Variants in SPARCL1 observed in about 807,000 individuals in gnomAD.
SPARCL1 encodes the protein SPARC-like protein 1.
SPARCL1 carries 52 observed loss-of-function variants against 67.1 expected under a neutral mutation model. That is an observed-to-expected ratio of 0.78 (90% CI 0.62 to 0.98). The LOEUF (loss-of-function observed/expected upper bound fraction) is 0.98, where lower values mean the gene tolerates loss of function less well. SPARCL1 is among the 50% of genes least tolerant of loss of function. The probability of loss-of-function intolerance (pLI) is 0.00; values close to 1 mark genes in which losing one functional copy is unlikely to be tolerated. For missense variants in SPARCL1, 717 were observed against 782.4 expected (o/e 0.92, Z 1.00); for synonymous variants, 226 against 267.8 (o/e 0.84, Z 1.52).
chr4:87,526,560 G>T (rs1726053094), intron 1 of SPARCL1, among the ~76,000 whole-genome samples: 1 of 152,176 alleles, frequency 6.6e-6, no homozygotes, highest in Non-Finnish European at 1.5e-5. Context: ...ACTGAGTCAT[G>T]CAGGTGGGAA....
At chr4:87,482,689 T>C (rs1409474954) in intron 7 of SPARCL1, 129 bp from the exon 8 acceptor site, 1 of 931,554 alleles carries the variant, frequency 1.1e-6, no homozygotes, top group East Asian at 2.5e-5. Flanking sequence ...ATTATGACAG[T>C]GGTCCTCAGC....
At chr4:87,508,379 C>CTGTAGAGACAGGATCTTCCT (rs1363844488) in intron 1 of SPARCL1, among the ~76,000 whole-genome samples, 1 of 143,386 alleles carries the variant, frequency 7.0e-6, no homozygotes, top group East Asian at 2.1e-4. Flanking sequence ...TTTTTTTTTT[C>CTGTAGAGACAGGATCTTCCT]TGTAGAGACA....
chr4:87,511,967 C>CTCTTTTTTTTTTTT (rs71667858), intron 1 of SPARCL1, among the ~76,000 whole-genome samples: 4 of 121,564 alleles, frequency 3.3e-5, no homozygotes, highest in African/African-American at 1.3e-4. Context: ...CTTTCTTTCT[C>CTCTTTTTTTTTTTT]TTTTTTTTTT....
Position 87,478,690 on chromosome 4 carries a change from G to A in SPARCL1, c.1966+740C>T, listed in dbSNP as rs575775293. On this transcript the variant is annotated intron_variant, in intron 10 of 10. Transcript: ENST00000282470. ...TGACCTCACGTGATCCACCCACCTC[G>A]GCTTCCCAAAGTGCTGGGATTACAG... is the stretch of plus-strand genomic sequence containing the variant. 4.6e-5 allele frequency among the ~76,000 whole-genome samples: 7 copies of A among 152,064 alleles called. No individual in the cohort carries two copies. In the South Asian group the frequency reaches 1.0e-3, roughly 23 times the overall value.
rs906329323 is a variant in SPARCL1 at position 87,473,680 on chromosome 4, T to A, written c.*95A>T. 5 of 875,722 alleles carry A rather than the reference T, an allele frequency of 5.7e-6. No individual in the cohort carries two copies. Among genetic ancestry groups the A allele is most frequent in the Non-Finnish European group, 3.5e-6 (2 of 563,458 alleles). The allele number at this position is 875,722 out of a possible 1,614,324, so 54.2% of individuals were successfully genotyped here. On this transcript the variant is annotated 3_prime_UTR_variant, in exon 11 of 11. Transcript: ENST00000282470. The stretch of plus-strand genomic sequence containing the variant: ...CTTGTCATACATGCTAACATTTTGC[T>A]AAATATAAATCTACAAGTATCACAG...
chr4:87,524,997 T>A (rs527707405), intron 1 of SPARCL1, among the ~76,000 whole-genome samples: 56 of 152,012 alleles, frequency 3.7e-4, no homozygotes, highest in Admixed American at 3.7e-3. Flanking sequence ...ACCCCATCTC[T>A]ACTAAAACAA....
Position 87,493,889 on chromosome 4 carries a change from G to A in SPARCL1, c.911C>T (p.Ala304Val), listed in dbSNP as rs1724479928. ...QSQEGKTGLEAISNHKETEEK... is the reference protein window; with the variant it reads ...QSQEGKTGLEVISNHKETEEK... ...TTCTGTCTCTTTGTGGTTGCTGATA[G>A]CTTCTAGGCCAGTTTTACCCTCTTG... The change falls in exon 4 of 11, where the codon GCT becomes GTT. Residue 304 changes from alanine (A) to valine (V), a missense_variant. Ala to Val is a moderately conservative substitution (Grantham distance 64). Transcript: ENST00000282470. The A allele has an allele frequency of 6.2e-7, 1 of 1,614,170 alleles. No homozygotes were observed. The highest frequency in any genetic ancestry group is 8.5e-7 in the Non-Finnish European group (1 of 1,180,038).
At chr4:87,508,124 A>C (rs1725181138) in intron 1 of SPARCL1, among the ~76,000 whole-genome samples, 1 of 152,170 alleles carries the variant, frequency 6.6e-6, no homozygotes, top group Admixed American at 6.5e-5. Context: ...AACCACATAG[A>C]AATGTGTTTA....
chr4:87,514,731 C>A (rs1725512964), intron 1 of SPARCL1, among the ~76,000 whole-genome samples: 1 of 152,124 alleles, frequency 6.6e-6, no homozygotes, highest in East Asian at 1.9e-4. Flanking sequence ...AATTTCATGG[C>A]CTTTAGCTTC....
In SPARCL1 at chr4:87,526,775, G is replaced by A. The variant is rs145453261; in HGVS notation, c.-12+2270C>T. On this transcript the variant is annotated intron_variant, in intron 1 of 10. Coordinates refer to ENST00000282470, the MANE Select transcript of SPARCL1 (RefSeq NM_004684.6). The stretch of plus-strand genomic sequence containing the variant: ...TATCTAGAGTCAGTTCCCGTTCTAC[G>A]GAGTTTCAATAGGGACATATAGTTA... 2.6e-5 allele frequency among the ~76,000 whole-genome samples: 4 copies of A among 152,282 alleles called. No individual in the cohort carries two copies. In the East Asian group the frequency reaches 7.7e-4, roughly 29 times the overall value.
chr4:87,501,331 A>G (rs1724840523), intron 1 of SPARCL1, among the ~76,000 whole-genome samples: 1 of 151,982 alleles, frequency 6.6e-6, no homozygotes. Flanking sequence ...TAAGTCCCAT[A>G]TATTTTTCTT....
At chr4:87,522,457 G>C (rs776232221) in intron 1 of SPARCL1, among the ~76,000 whole-genome samples, 9 of 151,742 alleles carry the variant, frequency 5.9e-5, no homozygotes, top group Non-Finnish European at 1.2e-4. Context: ...TACATTTAGT[G>C]CTCAGGGAAG....
chr4:87,516,825 T>C (rs1725601112), intron 1 of SPARCL1, among the ~76,000 whole-genome samples: 1 of 152,228 alleles, frequency 6.6e-6, no homozygotes, highest in Non-Finnish European at 1.5e-5. Flanking sequence ...AGGCTTATCT[T>C]ACCCAAGCTT....
chr4:87,501,243 T>TCCTGGGGTCCATA (rs1320765479), intron 1 of SPARCL1, among the ~76,000 whole-genome samples: 6 of 152,162 alleles, frequency 3.9e-5, no homozygotes, highest in African/African-American at 1.2e-4. Context: ...GCAGCTTTTC[T>TCCTGGGGTCCATA]CCTGGGGTCC....
intron 2 of SPARCL1, among the ~76,000 whole-genome samples, chr4:87,495,548 C>T (rs879349744): frequency 4.6e-5 from 7 of 152,020 alleles, no homozygotes; most frequent in Non-Finnish European, 7.4e-5. Context: ...AAGTACCCAC[C>T]GATAATTAGC....
At chr4:87,500,486 A>T (rs999439740) in intron 1 of SPARCL1, among the ~76,000 whole-genome samples, 1 of 152,108 alleles carries the variant, frequency 6.6e-6, no homozygotes, top group Non-Finnish European at 1.5e-5. Flanking sequence ...TTTGCAGGAT[A>T]TCCCTAAGTC....
rs1252403448 is a variant in SPARCL1 at position 87,491,631 on chromosome 4, C to A, written c.1278G>T (p.Arg426Ser). The A allele has an allele frequency of 1.9e-6, 3 of 1,613,208 alleles. No homozygotes were observed. The highest frequency in any genetic ancestry group is 1.7e-5 in the Admixed American group (1 of 59,992). Residue 426 changes from arginine (R) to serine (S), a missense_variant, in exon 5 of 11, where the codon AGG becomes AGT. Arg to Ser is a moderately radical substitution (Grantham distance 110). Transcript: ENST00000282470. Reference sequence around the variant, plus strand: ...ATGCATACTCACCCACAGCATGCACCCTCATGTTGCCTTCACTTGACGTTT... The same window carrying A: ...ATGCATACTCACCCACAGCATGCACACTCATGTTGCCTTCACTTGACGTTT... ...EEETSSEGNM[R>S]VHAVDSCMSF...
chr4:87,509,774 T>C (rs1190738515), intron 1 of SPARCL1, among the ~76,000 whole-genome samples: 1 of 152,240 alleles, frequency 6.6e-6, no homozygotes, highest in Non-Finnish European at 1.5e-5. Flanking sequence ...TTATTGTAAG[T>C]GTCTGTGTGT....
intron 1 of SPARCL1, among the ~76,000 whole-genome samples, chr4:87,526,802 TC>T (rs1726063549): frequency 6.6e-6 from 1 of 152,230 alleles, no homozygotes; most frequent in African/African-American, 2.4e-5. Flanking sequence ...ATATAGTTAG[TC>T]CAGTACTTTC....
Sources: gnomAD v4.1 joint callset for allele counts (sites outside exome capture counted in the v4.1 genomes callset) on GRCh38, gnomAD v4.1.1 for gene constraint, MANE v1.5 for transcripts, NCBI Gene and HGNC (gene_info 2026-07-23, HGNC 2026-07-21) for gene names.